The following EPB41L2 variants were observed in gnomAD, a reference collection of about 807,000 sequenced individuals.
EPB41L2 encodes band 4.1-like protein 2.
EPB41L2 carries 43 observed loss-of-function variants against 113.0 expected under a neutral mutation model. The ratio of observed to expected loss-of-function variants is 0.38; its 90% CI spans 0.30 to 0.49. The LOEUF is 0.49. EPB41L2 is among the 20% of genes least tolerant of loss of function. The probability of loss-of-function intolerance (pLI) is 0.95; values close to 1 mark genes in which losing one functional copy is unlikely to be tolerated. For synonymous variants in EPB41L2, 442 were observed against 436.7 expected, an observed-to-expected ratio of 1.01 and a Z score of -0.15; for missense variants, 1,147 against 1,223.4, an observed-to-expected ratio of 0.94 and a Z score of 0.93.
intron 1 of EPB41L2, among the ~76,000 whole-genome samples, chr6:130,987,567 C>T (rs1780858199): frequency 6.6e-6 from 1 of 152,086 alleles, no homozygotes; most frequent in African/African-American, 2.4e-5. Flanking sequence ...GTAGCATGCA[C>T]CTGTAGTCCC....
At chr6:130,879,724 A>G (rs1327703154) in intron 13 of EPB41L2, among the ~76,000 whole-genome samples, 1 of 152,192 alleles carries the variant, frequency 6.6e-6, no homozygotes, top group African/African-American at 2.4e-5. Context: ...AAAAGTGGGC[A>G]CAGATCAAGA....
At chr6:131,008,338 G>A (rs1490492588) in intron 1 of EPB41L2, among the ~76,000 whole-genome samples, 1 of 152,264 alleles carries the variant, frequency 6.6e-6, no homozygotes, top group African/African-American at 2.4e-5. Flanking sequence ...CGGGCGCGCA[G>A]AAGTTAAAAA....
chr6:130,997,942 T>A (rs891568565), intron 1 of EPB41L2, among the ~76,000 whole-genome samples: 2 of 151,970 alleles, frequency 1.3e-5, no homozygotes, highest in Non-Finnish European at 2.9e-5. Context: ...CTAAAAAAAA[T>A]CACAAAATAA....
At chr6:131,019,786 T>C (rs1789033737) in intron 1 of EPB41L2, among the ~76,000 whole-genome samples, 1 of 152,158 alleles carries the variant, frequency 6.6e-6, no homozygotes, top group Admixed American at 6.5e-5. Context: ...GGGCATTACA[T>C]ATATTTATGG....
At chr6:130,903,874 G>A (rs1200818169) in intron 6 of EPB41L2, among the ~76,000 whole-genome samples, 1 of 152,122 alleles carries the variant, frequency 6.6e-6, no homozygotes, top group Non-Finnish European at 1.5e-5. Context: ...CAGGTACTCA[G>A]AATCAATAAA....
At chr6:130,949,984 T>C (rs1447648819) in intron 3 of EPB41L2, among the ~76,000 whole-genome samples, 2 of 152,210 alleles carry the variant, frequency 1.3e-5, no homozygotes, top group African/African-American at 4.8e-5. Context: ...GTTTACGTTA[T>C]TGGAAAGGCT....
intron 3 of EPB41L2, among the ~76,000 whole-genome samples, chr6:130,938,476 T>C (rs1177393313): frequency 3.9e-5 from 6 of 152,054 alleles, no homozygotes; most frequent in Non-Finnish European, 8.8e-5. Context: ...AAAACACACA[T>C]ACACAAAAAA....
At chr6:130,870,734 C>T (rs1785347959) in intron 14 of EPB41L2, among the ~76,000 whole-genome samples, 1 of 151,644 alleles carries the variant, frequency 6.6e-6, no homozygotes, top group African/African-American at 2.4e-5. Context: ...TGGTTTTAAT[C>T]AGACTATAAA....
At chr6:131,007,372 G>T (rs953617880) in intron 1 of EPB41L2, among the ~76,000 whole-genome samples, 2 of 152,180 alleles carry the variant, frequency 1.3e-5, no homozygotes, top group Non-Finnish European at 2.9e-5. Context: ...ATGGAACTGT[G>T]AGTCAATTAA....
At chr6:131,007,368 C>A (rs2128720977) in intron 1 of EPB41L2, among the ~76,000 whole-genome samples, 1 of 152,322 alleles carries the variant, frequency 6.6e-6, no homozygotes, top group Non-Finnish European at 1.5e-5. Context: ...CCAAATGGAA[C>A]TGTGAGTCAA....
At chr6:130,971,509 G>A (rs893042154) in intron 1 of EPB41L2, among the ~76,000 whole-genome samples, 1 of 152,182 alleles carries the variant, frequency 6.6e-6, no homozygotes, top group Non-Finnish European at 1.5e-5. Context: ...GTGATATCAC[G>A]ATAGTCAGTC....
At chr6:130,906,569 A>T (rs1474303449) in intron 5 of EPB41L2, among the ~76,000 whole-genome samples, 1 of 152,184 alleles carries the variant, frequency 6.6e-6, no homozygotes, top group African/African-American at 2.4e-5. Flanking sequence ...AGCTACAGAA[A>T]TGTTTACATA....
intron 1 of EPB41L2, among the ~76,000 whole-genome samples, chr6:131,038,946 T>C (rs1309914328): frequency 1.3e-5 from 2 of 152,180 alleles, no homozygotes; most frequent in Non-Finnish European, 2.9e-5. Context: ...AACTCTACAT[T>C]AAGAAAAGAA....
At chr6:130,904,426 G>T (rs1315982148) in intron 6 of EPB41L2, 39 bp downstream of exon 6, 4 of 1,401,880 alleles carry the variant, frequency 2.9e-6, no homozygotes, top group Admixed American at 1.8e-5. Flanking sequence ...AACGAGAGCT[G>T]TAAGGAAAGG....
intron 6 of EPB41L2, 47 bp downstream of exon 6, chr6:130,904,418 C>T (rs769238944): frequency 1.8e-5 from 24 of 1,331,944 alleles, no homozygotes; most frequent in South Asian, 6.8e-5. Context: ...CAAAAATAAA[C>T]GAGAGCTGTA....
At position 131,016,843 on chromosome 6, in the gene EPB41L2, G is replaced by GCA. The variant is rs201130482; in HGVS notation, c.-15+46310_-15+46311dup. 1.3e-4 allele frequency among the ~76,000 whole-genome samples: 15 copies of GCA among 113,934 alleles called. No homozygotes were observed. The South Asian group carries it at 2.7e-3, about 21-fold the overall frequency. 74.7% of individuals were successfully genotyped at this position (113,934 alleles called of 152,430 possible). The stretch of plus-strand genomic sequence containing the variant: ...AAAAAAAAAAAGCACTACTATATTC[G>GCA]CACACAAAAAAAAAACCTGGCAATA... On this transcript the variant is annotated intron_variant, in intron 1 of 19. Coordinates refer to ENST00000337057, the MANE Select transcript of EPB41L2 (RefSeq NM_001431.4).
chr6:130,956,187 T>C lies in EPB41L2; in HGVS notation c.299A>G (p.Lys100Arg), dbSNP rs1817374485. Reference sequence around the variant, plus strand: ...TTCAACAACAGCTTGGGTAGGCTCTTTTTTATCTCCTCCATCTTTGGCCAC... The same window carrying C: ...TTCAACAACAGCTTGGGTAGGCTCTCTTTTATCTCCTCCATCTTTGGCCAC... Reference protein sequence around the residue: ...LVVAKDGGDKKEPTQAVVEEQ... With the variant: ...LVVAKDGGDKREPTQAVVEEQ... Residue 100 changes from lysine (K) to arginine (R), a missense_variant, in exon 2 of 20, where the codon AAA (lysine) becomes AGA (arginine). By Grantham distance (26) the Lys-to-Arg change is conservative. Coordinates refer to ENST00000337057, the MANE Select transcript of EPB41L2 (RefSeq NM_001431.4). 17 of 1,614,232 alleles carry C rather than the reference T, an allele frequency of 1.1e-5. No homozygotes were observed. The highest frequency in any genetic ancestry group is 1.4e-5 in the Non-Finnish European group (17 of 1,180,040).
chr6:130,935,762 C>A (rs967472459), intron 3 of EPB41L2, among the ~76,000 whole-genome samples: 13 of 152,250 alleles, frequency 8.5e-5, no homozygotes, highest in African/African-American at 3.1e-4. Context: ...CAGAAATTTT[C>A]AATAGTTTTC....
intron 6 of EPB41L2, among the ~76,000 whole-genome samples, chr6:130,903,098 T>C (rs1796739536): frequency 6.6e-6 from 1 of 152,160 alleles, no homozygotes; most frequent in Admixed American, 6.5e-5. Context: ...GTTCCATTTA[T>C]ATGGAAAACC....
Sources: allele counts gnomAD v4.1 joint callset (sites outside exome capture counted in the v4.1 genomes callset), GRCh38; gene constraint gnomAD v4.1.1; transcripts MANE v1.5; gene names NCBI Gene and HGNC (gene_info 2026-07-23, HGNC 2026-07-21).